Variants in SNAPC4 observed in about 807,000 individuals in gnomAD.
SNAPC4 encodes small nuclear RNA activating complex polypeptide 4.
SNAPC4 carries 127 observed loss-of-function variants against 151.3 expected under a neutral mutation model. That is an observed-to-expected ratio of 0.84 (90% CI 0.73 to 0.97). The LOEUF (loss-of-function observed/expected upper bound fraction) is 0.97, where lower values mean the gene tolerates loss of function less well. SNAPC4 is among the 50% of genes least tolerant of loss of function. The pLI is 0.00. For synonymous variants in SNAPC4, 1,002 were observed against 824.4 expected, an observed-to-expected ratio of 1.22 and a Z score of -3.69; for missense variants, 2,186 against 1,935.0, an observed-to-expected ratio of 1.13 and a Z score of -2.43.
At chr9:136,394,710 TCTGAGAACTTG>T in intron 6 of SNAPC4, 79 bp downstream of exon 6, 1 of 1,167,774 alleles carries the variant, frequency 8.6e-7, no homozygotes, top group Non-Finnish European at 1.3e-6. Flanking sequence ...CAGAGAGAGG[TCTGAGAACTTG>T]GGGAGAAACT....
At position 136,377,988 on chromosome 9, in the gene SNAPC4, G is replaced by A. The variant is rs145777793; in HGVS notation, c.3839C>T (p.Ala1280Val). 2,289 of 1,602,708 alleles carry A rather than the reference G, an allele frequency of 1.4e-3. No individual in the cohort carries two copies. Among genetic ancestry groups the A allele is most frequent in the Non-Finnish European group, 1.9e-3 (2,184 of 1,175,324 alleles). The change falls in exon 22 of 24, where the codon GCG (alanine) becomes GTG (valine). Residue 1280 changes from alanine to valine, a missense_variant. By Grantham distance (64) the Ala-to-Val change is moderately conservative (BLOSUM62 0). Coordinates refer to ENST00000684778, the MANE Select transcript of SNAPC4 (RefSeq NM_003086.4). ...DLGLLSQEGE[A>V]ATQQWLGGQR... is the part of the protein sequence containing the mutation. ...GCCCCCCAGCCACTGCTGTGTGGCC[G>A]CCTCGCCCTCCTGGGACAGCAGGCC...
At chr9:136,380,912 AG>A (rs1833666316) in intron 19 of SNAPC4, 62 bp from the exon 20 acceptor site, 1 of 977,568 alleles carries the variant, frequency 1.0e-6, no homozygotes. Flanking sequence ...GAAGCTCCAG[AG>A]GCCTAGGCAG....
In SNAPC4 at chr9:136,392,559, A is replaced by G; in HGVS notation, c.773T>C (p.Leu258Pro). Residue 258 changes from leucine (L) to proline (P), a missense_variant, in exon 9 of 24, where the codon CTG (leucine) becomes CCG (proline). Leu to Pro is a moderately conservative substitution (Grantham distance 98). Transcript: ENST00000684778. The part of the protein sequence containing the change: ...LPEEALLGNR[L>P]DSHDWEKISN... Reference sequence around the variant, plus strand: ...AATCTTCTCCCAGTCGTGGCTGTCCAGCCTGTTTCCCAGCAAGGCCTCTTC... The same window carrying G: ...AATCTTCTCCCAGTCGTGGCTGTCCGGCCTGTTTCCCAGCAAGGCCTCTTC... 9 of 1,613,846 alleles carry G rather than the reference A, an allele frequency of 5.6e-6. No individual in the cohort carries two copies. The highest frequency in any genetic ancestry group is 1.6e-4 in the Middle Eastern group (1 of 6,062).
At chr9:136,394,222 GTT>G in intron 7 of SNAPC4, 25 bp downstream of exon 7, 3 of 1,584,452 alleles carry the variant, frequency 1.9e-6, no homozygotes, top group Non-Finnish European at 1.7e-6. Context: ...CCTGAAGACC[GTT>G]TTTGACTTAT....
At chr9:136,387,711 G>T in intron 12 of SNAPC4, 31 bp downstream of exon 12, 1 of 1,465,478 alleles carries the variant, frequency 6.8e-7, no homozygotes, top group Non-Finnish European at 9.6e-7. Context: ...CCTTCCCAGA[G>T]CCCAGTTCTC....
At chr9:136,399,053 T>C (rs1404933343) in intron 1 of SNAPC4, among the ~76,000 whole-genome samples, 1 of 152,230 alleles carries the variant, frequency 6.6e-6, no homozygotes, top group Non-Finnish European at 1.5e-5. Context: ...AACAAATGTT[T>C]GTCAAGCTTT....
chr9:136,391,257 G>C (rs1455402120), intron 10 of SNAPC4, among the ~76,000 whole-genome samples: 2 of 152,132 alleles, frequency 1.3e-5, no homozygotes, highest in Non-Finnish European at 2.9e-5. Flanking sequence ...GCTATAATCA[G>C]GTGCTCTGCC....
chr9:136,398,556 C>T, intron 1 of SNAPC4, 119 bp from the exon 2 acceptor site: 2 of 1,158,682 alleles, frequency 1.7e-6, no homozygotes, highest in Non-Finnish European at 2.5e-6. Context: ...GGGCACTGGG[C>T]TCCCCAGAGA....
Position 136,383,086 on chromosome 9 carries a change from A to C in SNAPC4, c.1983+100T>G, listed in dbSNP as rs1344953843. The C allele has an allele frequency of 8.9e-6, 13 of 1,453,990 alleles. No individual in the cohort carries two copies. The highest frequency in any genetic ancestry group is 4.5e-6 in the Non-Finnish European group (5 of 1,107,224). The allele number at this position is 1,453,990 out of a possible 1,614,324, so 90.1% of individuals were successfully genotyped here. A position where few individuals can be genotyped will look rare whatever the true frequency, so the allele number is the denominator to read the frequency against. On this transcript the variant is annotated intron_variant, in intron 16 of 23. Coordinates refer to ENST00000684778, the MANE Select transcript of SNAPC4 (RefSeq NM_003086.4). The surrounding 1 kb of genome is among the most constrained non-coding windows in gnomAD (Gnocchi z 4.2). Reference sequence around the variant, plus strand: ...GAAGTAGCACGTTCTGATGCACACGAACCCTGGGGCCCCTGCTGCTGCACT... The same window carrying C: ...GAAGTAGCACGTTCTGATGCACACGCACCCTGGGGCCCCTGCTGCTGCACT...
intron 3 of SNAPC4, among the ~76,000 whole-genome samples, chr9:136,396,236 G>A (rs906586669): frequency 1.3e-5 from 2 of 152,354 alleles, no homozygotes; most frequent in Middle Eastern, 3.4e-3. Context: ...GGCTACAGCA[G>A]GGTGCTCACT....
At position 136,378,255 on chromosome 9, in the gene SNAPC4, G is replaced by A. The variant is rs1327072670; in HGVS notation, c.3572C>T (p.Ser1191Phe). Reference sequence around the variant, plus strand: ...TTCTGCTTCAGGAGGGTCAGCGTGGGAGGACGTCCTGGGCTCAGGTATCTC... The same window carrying A: ...TTCTGCTTCAGGAGGGTCAGCGTGGAAGGACGTCCTGGGCTCAGGTATCTC... Reference protein sequence around the residue: ...AREIPEPRTSSHADPPEAEPP... With the variant: ...AREIPEPRTSFHADPPEAEPP... Residue 1191 changes from serine (S) to phenylalanine (F), a missense_variant, in exon 22 of 24, where the codon TCC (serine) becomes TTC (phenylalanine). By Grantham distance (155) the Ser-to-Phe change is radical (BLOSUM62 -2). Coordinates refer to ENST00000684778, the MANE Select transcript of SNAPC4 (RefSeq NM_003086.4). 2 of 1,608,636 alleles carry A rather than the reference G, an allele frequency of 1.2e-6. No homozygotes were observed. Among genetic ancestry groups the A allele is most frequent in the East Asian group, 2.2e-5 (1 of 44,710 alleles).
chr9:136,391,871 A>G (rs1834085610), intron 10 of SNAPC4, 71 bp downstream of exon 10: 1 of 1,515,744 alleles, frequency 6.6e-7, no homozygotes. Context: ...GCACCCGTCC[A>G]GCAGCCTCCC....
intron 20 of SNAPC4, among the ~76,000 whole-genome samples, chr9:136,380,329 G>T (rs1833643131): frequency 6.6e-6 from 1 of 152,174 alleles, no homozygotes; most frequent in Non-Finnish European, 1.5e-5. Context: ...AGAGGCCCAG[G>T]GGTACCCCAC....
rs749900519 is a variant in SNAPC4, at chr9:136,377,822, GC to G, written c.4004del (p.Gly1335AlafsTer72). On this transcript the variant is annotated frameshift_variant, in exon 22 of 24. Coordinates refer to ENST00000684778, the MANE Select transcript of SNAPC4 (RefSeq NM_003086.4). LOFTEE classifies it high-confidence loss of function. Reference protein sequence around the residue: ...EHKATSLVVGGEAERPAGALQ... With the variant: ...EHKATSLVVGXEAERPAGALQ... ...GTGCTCCGGCCGGCCGCTCAGCCTC[GC>G]CCCCCACCACCAGGGAGGTGGCCTT... is the stretch of plus-strand genomic sequence containing the variant. 5.0e-6 allele frequency: 8 copies of G among 1,611,330 alleles called. No homozygotes were observed. The Admixed American group carries it at 1.2e-4, about 24-fold the overall frequency.
intron 1 of SNAPC4, among the ~76,000 whole-genome samples, 160 bp downstream of exon 1, chr9:136,399,955 CGCGCCCAGGCTCGGCCGGA>C (rs961085008): frequency 2.0e-5 from 3 of 152,246 alleles, no homozygotes; most frequent in Admixed American, 1.3e-4. Flanking sequence ...AGAATCCCCG[CGCGCCCAGGCTCGGCCGGA>C]CGGGGGCCAC....
Position 136,378,201 on chromosome 9 carries a change from A to C in SNAPC4, c.3626T>G (p.Phe1209Cys), listed in dbSNP as rs1404675435. 3 of 1,612,126 alleles carry C rather than the reference A, an allele frequency of 1.9e-6. No homozygotes were observed. The highest frequency in any genetic ancestry group is 2.5e-6 in the Non-Finnish European group (3 of 1,179,778). ...CTCAGTTGCTGGGATGACACCACCG[A>C]AGGCTGGCAGCCTCCCGGACCAAGG... ...EPPWSGRLPA[F>C]GGVIPATEPR... Residue 1209 changes from phenylalanine to cysteine, a missense_variant, in exon 22 of 24, where the codon TTC (phenylalanine) becomes TGC (cysteine). Phe to Cys is a radical substitution (Grantham distance 205, BLOSUM62 -2). Transcript: ENST00000684778.
intron 10 of SNAPC4, 102 bp downstream of exon 10, chr9:136,391,840 T>TGAGC: frequency 7.8e-7 from 1 of 1,276,108 alleles, no homozygotes; most frequent in Non-Finnish European, 1.1e-6. Context: ...AACCTGGCGG[T>TGAGC]GAGTGAGCAC....
rs926819801 is a variant in SNAPC4, at chr9:136,379,018, G to A, written c.2809C>T (p.Pro937Ser). ...VILQPPLPHT[P>S]HGRPAPGPTV... ...GGACCCGGGGCTGGGCGGCCGTGTGGGGTGTGTGGTAGAGGGGGCTGGAGG... is the reference window on the plus strand; with the variant it reads ...GGACCCGGGGCTGGGCGGCCGTGTGAGGTGTGTGGTAGAGGGGGCTGGAGG... The change falls in exon 22 of 24, where the codon CCA (proline) becomes TCA (serine). Residue 937 changes from proline (P) to serine (S), a missense_variant. By Grantham distance (74) the Pro-to-Ser change is moderately conservative. Coordinates refer to ENST00000684778, the MANE Select transcript of SNAPC4 (RefSeq NM_003086.4). 6.2e-7 allele frequency: 1 copy of A among 1,604,412 alleles called. No homozygotes were observed. The highest frequency in any genetic ancestry group is 8.5e-7 in the Non-Finnish European group (1 of 1,176,532).
At chr9:136,391,594 C>G (rs1211366831) in intron 10 of SNAPC4, among the ~76,000 whole-genome samples, 1 of 152,208 alleles carries the variant, frequency 6.6e-6, no homozygotes, top group East Asian at 1.9e-4. Context: ...CAAGAACTCA[C>G]ACGAGGAAAA....
Sources: gnomAD v4.1 joint callset for allele counts (sites outside exome capture counted in the v4.1 genomes callset) on GRCh38, gnomAD v4.1.1 for gene constraint, Gnocchi (gnomAD v3.1) non-coding constraint, MANE v1.5 for transcripts, NCBI Gene and HGNC (gene_info 2026-07-23, HGNC 2026-07-21) for gene names.